Variants in AHRR observed in about 807,000 individuals in gnomAD.
AHRR encodes the protein ahR repressor.
A neutral mutation model predicts 44.0 loss-of-function variants in AHRR; 28 were observed. That is an observed-to-expected ratio of 0.64 (90% CI 0.47 to 0.87). The LOEUF (loss-of-function observed/expected upper bound fraction) is 0.87, where lower values mean the gene tolerates loss of function less well. AHRR is among the 40% of genes least tolerant of loss of function. The probability of loss-of-function intolerance (pLI) is 0.00; values close to 1 mark genes in which losing one functional copy is unlikely to be tolerated. For synonymous variants in AHRR, 434 were observed against 407.0 expected (o/e 1.07, Z -0.80); for missense variants, 990 against 953.9 (o/e 1.04, Z -0.50).
chr5:411,795 C>T lies in AHRR; in HGVS notation c.352-1549C>T, dbSNP rs143547244. ...CAAACATCATGGGAGTTAAAGTCTC[C>T]GAATGTCTGTGTTTTAAAGACACAA... On this transcript the variant is annotated intron_variant, in intron 4 of 10. Coordinates refer to ENST00000684583, the MANE Select transcript of AHRR (RefSeq NM_001377236.1). This position sits in a 1 kb window ranked among gnomAD's most constrained non-coding sequence, Gnocchi z 4.2. Among the ~76,000 whole-genome samples, 679 of 152,252 alleles carry T rather than the reference C, an allele frequency of 4.5e-3. 7 individuals are homozygous for T. The highest frequency in any genetic ancestry group is 0.015 in the African/African-American group (604 of 41,534).
Position 411,614 on chromosome 5 carries a change from G to GA in AHRR, c.352-1726dup, listed in dbSNP as rs1735469809. ...CAATGTCATTAGTAATCAAAGAAAT[G>GA]AAAACTATAATGGTAAAATAATTTA... On this transcript the variant is annotated intron_variant, in intron 4 of 10. Transcript: ENST00000684583. This position sits in a 1 kb window ranked among gnomAD's most constrained non-coding sequence, Gnocchi z 4.2. Among the ~76,000 whole-genome samples the GA allele has an allele frequency of 6.6e-6, 1 of 152,030 alleles. No individual in the cohort carries two copies. Among genetic ancestry groups the GA allele is most frequent in the Non-Finnish European group, 1.5e-5 (1 of 68,012 alleles).
intron 1 of AHRR, among the ~76,000 whole-genome samples, chr5:325,367 G>A (rs1477052193): frequency 6.6e-6 from 1 of 152,190 alleles, no homozygotes; most frequent in African/African-American, 2.4e-5. Context: ...GGCCCACCTT[G>A]GGGTGCTGGG....
rs539789608 is a variant in AHRR, at chr5:340,688, A to ATTTTTT, written c.-10-3185_-10-3180dup. ...ATTATATATATATATATATATATAT[A>ATTTTTT]TTTTTTTTTTTTTTTTTTTTTTTTT... is the stretch of plus-strand genomic sequence containing the variant. On this transcript the variant is annotated intron_variant, in intron 1 of 10. Coordinates refer to ENST00000684583, the MANE Select transcript of AHRR (RefSeq NM_001377236.1). Among the ~76,000 whole-genome samples the ATTTTTT allele has an allele frequency of 1.5e-3, 20 of 12,924 alleles. 1 individual carries two copies. Among genetic ancestry groups the ATTTTTT allele is most frequent in the Admixed American group, 2.7e-3 (2 of 754 alleles). 8.5% of individuals were successfully genotyped at this position (12,924 alleles called of 152,430 possible). A position where few individuals can be genotyped will look rare whatever the true frequency, so the allele number is the denominator to read the frequency against.
In AHRR at chr5:370,572, T is replaced by A. The variant is rs1209989578; in HGVS notation, c.245-6038T>A. The stretch of plus-strand genomic sequence containing the variant: ...CACAGTGGGTGCAGCCCCAGGCAGG[T>A]GGTGGTCCATAGGGGACAGCCCCCA... On this transcript the variant is annotated intron_variant, in intron 3 of 10. Transcript: ENST00000684583. This position sits in a 1 kb window ranked among gnomAD's most constrained non-coding sequence, Gnocchi z 4.5. 6.6e-6 allele frequency among the ~76,000 whole-genome samples: 1 copy of A among 151,816 alleles called. No homozygotes were observed. Among genetic ancestry groups the A allele is most frequent in the African/African-American group, 2.4e-5 (1 of 41,284 alleles).
chr5:399,834 C>T (rs545834590), intron 4 of AHRR, among the ~76,000 whole-genome samples: 355 of 152,326 alleles, frequency 2.3e-3, no homozygotes, highest in Middle Eastern at 0.01. Flanking sequence ...TGTGGCCATC[C>T]GGCCAGCTGC....
chr5:421,683 A>G (rs895613691), intron 5 of AHRR, among the ~76,000 whole-genome samples: 1 of 152,064 alleles, frequency 6.6e-6, no homozygotes, highest in Non-Finnish European at 1.5e-5. Context: ...CAGCGCATTC[A>G]CAGAAGGGAA....
chr5:332,665 A>C (rs1016575618), intron 1 of AHRR, among the ~76,000 whole-genome samples: 1 of 152,200 alleles, frequency 6.6e-6, no homozygotes, highest in Non-Finnish European at 1.5e-5. Flanking sequence ...AGAATATTCT[A>C]TAATGTAAAT....
At chr5:426,865 A>T (rs538131602) in intron 7 of AHRR, among the ~76,000 whole-genome samples, 107 of 126,806 alleles carry the variant, frequency 8.4e-4, no homozygotes, top group African/African-American at 2.4e-3. Context: ...GGATGGGTGG[A>T]TGGATGGATG....
chr5:427,970 A>T lies in AHRR; in HGVS notation c.872A>T (p.Lys291Ile). 1 of 1,613,944 alleles carries T rather than the reference A, an allele frequency of 6.2e-7. No homozygotes were observed. Among genetic ancestry groups the T allele is most frequent in the African/African-American group, 1.3e-5 (1 of 75,028 alleles). ...MKMRSALLRAKPRADTAATAD... is the reference protein window; with the variant it reads ...MKMRSALLRAIPRADTAATAD... ...ATGAGGAGCGCGCTCCTGAGGGCAA[A>T]ACCCAGAGCAGACACCGCAGCCACC... The change falls in exon 8 of 11, where the codon AAA becomes ATA. Residue 291 changes from lysine to isoleucine, a missense_variant. By Grantham distance (102) the Lys-to-Ile change is moderately radical. Transcript: ENST00000684583.
intron 1 of AHRR, among the ~76,000 whole-genome samples, chr5:334,372 T>C (rs1269259457): frequency 6.6e-6 from 1 of 152,166 alleles, no homozygotes; most frequent in East Asian, 1.9e-4. Context: ...TCGCTGTATG[T>C]AGTCCCAGGT....
intron 3 of AHRR, among the ~76,000 whole-genome samples, chr5:366,768 G>T (rs1251369946): frequency 6.6e-6 from 1 of 152,238 alleles, no homozygotes; most frequent in Non-Finnish European, 1.5e-5. Flanking sequence ...GCATTGCTTT[G>T]CTGATACTCG....
intron 2 of AHRR, among the ~76,000 whole-genome samples, chr5:350,415 C>T (rs1742819765): frequency 6.6e-6 from 1 of 152,202 alleles, no homozygotes; most frequent in Admixed American, 6.5e-5. Flanking sequence ...GTTGATGAAT[C>T]CTCCTGCGAG....
At chr5:332,861 G>T (rs906618809) in intron 1 of AHRR, among the ~76,000 whole-genome samples, 1 of 150,032 alleles carries the variant, frequency 6.7e-6, no homozygotes, top group Non-Finnish European at 1.5e-5. Flanking sequence ...GGATGCATAT[G>T]TATGTAGAAT....
chr5:427,059 ATGGG>A (rs1369697884), intron 7 of AHRR, among the ~76,000 whole-genome samples: 5 of 149,686 alleles, frequency 3.3e-5, no homozygotes, highest in Non-Finnish European at 7.4e-5. Context: ...GGGTGGATGG[ATGGG>A]TGGATGGATG....
rs961021623 is a variant in AHRR at position 338,489 on chromosome 5, G to C, written c.-10-5404G>C. ...CCACTACCTTCTTGTTTCTGATGAG[G>C]AATCTGCTGTCATCTTATTTTTGAT... On this transcript the variant is annotated intron_variant, in intron 1 of 10. Transcript: ENST00000684583. The surrounding 1 kb of genome is among the most constrained non-coding windows in gnomAD (Gnocchi z 4.1). 5.9e-5 allele frequency among the ~76,000 whole-genome samples: 9 copies of C among 152,106 alleles called. No homozygotes were observed. Among genetic ancestry groups the C allele is most frequent in the African/African-American group, 1.7e-4 (7 of 41,400 alleles).
rs1333825780 is a variant in AHRR, at chr5:432,521, G to A, written c.967G>A (p.Ala323Thr). 2.5e-6 allele frequency: 4 copies of A among 1,613,978 alleles called. No homozygotes were observed. The highest frequency in any genetic ancestry group is 3.4e-6 in the Non-Finnish European group (4 of 1,179,842). Residue 323 changes from alanine to threonine, a missense_variant, in exon 9 of 11, where the codon GCA (alanine) becomes ACA (threonine). Transcript: ENST00000684583. ...SELHGKPNYS[A>T]GRSSRESGVL... is the part of the protein sequence containing the mutation. ...ACTGCATGGAAAACCCAATTACTCA[G>A]CAGGTACTTAGAACATTTCTTATCT... is the stretch of plus-strand genomic sequence containing the variant.
chr5:426,054 A>T (rs143784897), intron 7 of AHRR, among the ~76,000 whole-genome samples: 1 of 152,378 alleles, frequency 6.6e-6, no homozygotes, highest in East Asian at 1.9e-4. Context: ...TACTAAAAAA[A>T]TTGGCAAACA....
intron 9 of AHRR, 130 bp downstream of exon 9, chr5:432,654 C>A: frequency 6.7e-7 from 1 of 1,496,652 alleles, no homozygotes; most frequent in South Asian, 1.2e-5. Context: ...GACTTGGTGT[C>A]TGTCCTGCTG....
intron 4 of AHRR, among the ~76,000 whole-genome samples, chr5:399,970 C>A (rs964227757): frequency 6.6e-6 from 1 of 152,266 alleles, no homozygotes; most frequent in Admixed American, 6.5e-5. Flanking sequence ...CTGCCTCGCA[C>A]GCACGCAAGC....
Sources: gnomAD v4.1 joint callset for allele counts (sites outside exome capture counted in the v4.1 genomes callset) on GRCh38, gnomAD v4.1.1 for gene constraint, Gnocchi (gnomAD v3.1) non-coding constraint, MANE v1.5 for transcripts, NCBI Gene and HGNC (gene_info 2026-07-23, HGNC 2026-07-21) for gene names.